Variants in IFI35 observed in about 807,000 individuals in gnomAD.
IFI35 encodes interferon-induced 35 kDa protein.
IFI35 carries 30 observed loss-of-function variants against 28.6 expected under a neutral mutation model. That is an observed-to-expected ratio of 1.05 (90% CI 0.79 to 1.43). The LOEUF (loss-of-function observed/expected upper bound fraction) is 1.43. IFI35 is among the 40% of genes most tolerant of loss of function. The probability of loss-of-function intolerance (pLI) is 0.00; values close to 1 mark genes in which losing one functional copy is unlikely to be tolerated. For missense variants in IFI35, 372 were observed against 356.9 expected (o/e 1.04, Z -0.34); for synonymous variants, 146 against 154.8 (o/e 0.94, Z 0.42).
intron 4 of IFI35, 44 bp downstream of exon 4, chr17:43,013,417 C>T (rs746942241): frequency 1.9e-6 from 3 of 1,610,800 alleles, no homozygotes; most frequent in East Asian, 4.5e-5. Flanking sequence ...GCATGCCATG[C>T]ACCTGGGCAT....
chr17:43,009,623 C>T (rs1174173054), intron 1 of IFI35, among the ~76,000 whole-genome samples: 1 of 151,836 alleles, frequency 6.6e-6, no homozygotes, highest in East Asian at 1.9e-4. Context: ...CATGGTGGTG[C>T]GTGCCTGTAG....
rs2050410857 is a variant in IFI35 at position 43,006,794 on chromosome 17, G to T, written c.-154G>T. ...AAATGAAAGTGGAAGCAAACAGCCT[G>T]CGAGCAGAGCCTCCTGAGGTGTATT... On this transcript the variant is annotated 5_prime_UTR_variant, in exon 1 of 7. Coordinates refer to ENST00000415816, the MANE Select transcript of IFI35 (RefSeq NM_001330230.2). 1 of 714,204 alleles carries T rather than the reference G, an allele frequency of 1.4e-6. No individual in the cohort carries two copies. 44.2% of individuals were successfully genotyped at this position (714,204 alleles called of 1,614,324 possible).
At chr17:43,012,020 G>A in intron 1 of IFI35, 159 bp from the exon 2 acceptor site, 4 of 470,388 alleles carry the variant, frequency 8.5e-6, no homozygotes, top group Admixed American at 3.7e-5. Flanking sequence ...GGTGGAGGGG[G>A]CCAAGACCAG....
intron 6 of IFI35, 86 bp from the exon 7 acceptor site, chr17:43,014,022 A>T: frequency 7.1e-7 from 1 of 1,414,394 alleles, no homozygotes; most frequent in Admixed American, 1.8e-5. Context: ...TCCCGACCTC[A>T]TACCCCCATG....
At chr17:43,007,017 CT>C in intron 1 of IFI35, 49 bp downstream of exon 1, 1 of 1,600,232 alleles carries the variant, frequency 6.2e-7, no homozygotes, top group Non-Finnish European at 8.6e-7. Context: ...GAGTAATCCT[CT>C]TGGCTAGGAA....
chr17:43,014,371 T>A lies in IFI35; in HGVS notation c.*72T>A. On this transcript the variant is annotated 3_prime_UTR_variant, in exon 7 of 7. Transcript: ENST00000415816. ...ACTGGCCTGGGCTTGGGTGCCCATA[T>A]AGGAGGTCTGTATGTTCACCAACAG... is the stretch of plus-strand genomic sequence containing the variant. 9.0e-7 allele frequency: 1 copy of A among 1,106,836 alleles called. No individual in the cohort carries two copies. The highest frequency in any genetic ancestry group is 1.3e-6 in the Non-Finnish European group (1 of 782,284). 68.6% of individuals were successfully genotyped at this position (1,106,836 alleles called of 1,614,324 possible).
rs1037071115 is a variant in IFI35, at chr17:43,006,880, G to T, written c.-68G>T. 2 of 1,573,584 alleles carry T rather than the reference G, an allele frequency of 1.3e-6. No individual in the cohort carries two copies. The highest frequency in any genetic ancestry group is 3.3e-4 in the Middle Eastern group (2 of 5,988). Reference sequence around the variant, plus strand: ...TTTGGGGGGTACAAACAAGAGTTCAGTTGCTGTGAATTCTGCCACTGTGCC... The same window carrying T: ...TTTGGGGGGTACAAACAAGAGTTCATTTGCTGTGAATTCTGCCACTGTGCC... On this transcript the variant is annotated 5_prime_UTR_variant, in exon 1 of 7. Transcript: ENST00000415816.
At chr17:43,008,507 C>G (rs925887223) in intron 1 of IFI35, among the ~76,000 whole-genome samples, 1 of 145,458 alleles carries the variant, frequency 6.9e-6, no homozygotes, top group East Asian at 2.0e-4. Context: ...CATGCCACCA[C>G]GCCTGGCTCA....
rs561841119 is a variant in IFI35, at chr17:43,014,217, G to A, written c.779G>A (p.Arg260His). The A allele has an allele frequency of 6.2e-6, 10 of 1,613,120 alleles. No homozygotes were observed. Among genetic ancestry groups the A allele is most frequent in the Admixed American group, 3.3e-5 (2 of 59,936 alleles). ...GAGATCCACTTCCAGAAGCCCACCC[G>A]CGGGGGCGGGGAGGTAGAGGCCCTG... Reference protein sequence around the residue: ...VLEIHFQKPTRGGGEVEALTV... With the variant: ...VLEIHFQKPTHGGGEVEALTV... Residue 260 changes from arginine to histidine, a missense_variant, in exon 7 of 7, where the codon CGC (arginine) becomes CAC (histidine). Transcript: ENST00000415816.
rs941550865 is a variant in IFI35, at chr17:43,014,130, G to A, written c.692G>A (p.Arg231His). 5.9e-5 allele frequency: 95 copies of A among 1,613,840 alleles called. No individual in the cohort carries two copies. Among genetic ancestry groups the A allele is most frequent in the Non-Finnish European group, 7.3e-5 (86 of 1,179,980 alleles). Residue 231 changes from arginine to histidine, a missense_variant, in exon 7 of 7, where the codon CGC becomes CAC. Transcript: ENST00000415816. ...CAGATCAGGTCGCAGCCAGTTCCCC[G>A]CTCGGTACTGGTGCTCAACATTCCT... is the stretch of plus-strand genomic sequence containing the variant. ...KAEIRSQPVP[R>H]SVLVLNIPDI... is the part of the protein sequence containing the mutation.
Position 43,014,150 on chromosome 17 carries a change from A to G in IFI35, c.712A>G (p.Ile238Val). The G allele has an allele frequency of 1.9e-6, 3 of 1,613,784 alleles. No homozygotes were observed. Among genetic ancestry groups the G allele is most frequent in the Non-Finnish European group, 2.5e-6 (3 of 1,179,948 alleles). The change falls in exon 7 of 7, where the codon ATT becomes GTT. Residue 238 changes from isoleucine to valine, a missense_variant. Ile to Val is a conservative substitution (Grantham distance 29, BLOSUM62 3). Coordinates refer to ENST00000415816, the MANE Select transcript of IFI35 (RefSeq NM_001330230.2). ...TCCCCGCTCGGTACTGGTGCTCAAC[A>G]TTCCTGATATCTTGGATGGCCCGGA... ...PVPRSVLVLN[I>V]PDILDGPELH...
chr17:43,011,266 C>T (rs1232860324), intron 1 of IFI35, among the ~76,000 whole-genome samples: 2 of 152,182 alleles, frequency 1.3e-5, no homozygotes, highest in African/African-American at 2.4e-5. Flanking sequence ...CACCTGTAAT[C>T]CTAGCACTTT....
At position 43,014,224 on chromosome 17, in the gene IFI35, CGGGGA is replaced by C. The variant is rs754695185; in HGVS notation, c.789_793del (p.Glu264ArgfsTer19). 26 of 1,612,342 alleles carry C rather than the reference CGGGGA, an allele frequency of 1.6e-5. No homozygotes were observed. Among genetic ancestry groups the C allele is most frequent in the Non-Finnish European group, 2.1e-5 (25 of 1,179,222 alleles). The stretch of plus-strand genomic sequence containing the variant: ...ACTTCCAGAAGCCCACCCGCGGGGG[CGGGGA>C]GGTAGAGGCCCTGACAGTCGTACCC... On this transcript the variant is annotated frameshift_variant, in exon 7 of 7. Coordinates refer to ENST00000415816, the MANE Select transcript of IFI35 (RefSeq NM_001330230.2). LOFTEE classifies it high-confidence loss of function.
chr17:43,007,004 CAG>C (rs1185317291), intron 1 of IFI35, 36 bp downstream of exon 1: 6 of 1,609,848 alleles, frequency 3.7e-6, no homozygotes, highest in Non-Finnish European at 5.1e-6. Context: ...AGTGGGGAAA[CAG>C]GAGTAATCCT....
intron 1 of IFI35, among the ~76,000 whole-genome samples, chr17:43,007,545 G>C (rs1305837145): frequency 6.6e-6 from 1 of 150,996 alleles, no homozygotes; most frequent in East Asian, 1.9e-4. Context: ...AATTAGGCTG[G>C]GTGTGTTGGC....
Position 43,014,332 on chromosome 17 carries a change from G to T in IFI35, c.*33G>T. On this transcript the variant is annotated 3_prime_UTR_variant, in exon 7 of 7. Transcript: ENST00000415816. Reference sequence around the variant, plus strand: ...CCCTTCTCATCCTCCCCACCCCCCCGCCAAGGTTCTCACACTGGCCTGGGC... The same window carrying T: ...CCCTTCTCATCCTCCCCACCCCCCCTCCAAGGTTCTCACACTGGCCTGGGC... 6.8e-7 allele frequency: 1 copy of T among 1,473,580 alleles called. No homozygotes were observed. The highest frequency in any genetic ancestry group is 2.3e-5 in the Admixed American group (1 of 43,160). 91.3% of individuals were successfully genotyped at this position (1,473,580 alleles called of 1,614,324 possible). A position where few individuals can be genotyped will look rare whatever the true frequency, so the allele number is the denominator to read the frequency against.
intron 1 of IFI35, among the ~76,000 whole-genome samples, chr17:43,007,642 A>G (rs1476120469): frequency 1.3e-5 from 2 of 151,422 alleles, no homozygotes; most frequent in Middle Eastern, 3.4e-3. Flanking sequence ...CCTGGCCAAC[A>G]TAGCAAAACC....
rs769873611 is a variant in IFI35 at position 43,013,853 on chromosome 17, T to C, written c.640T>C (p.Tyr214His). 1 of 1,608,062 alleles carries C rather than the reference T, an allele frequency of 6.2e-7. No individual in the cohort carries two copies. Among genetic ancestry groups the C allele is most frequent in the Admixed American group, 1.7e-5 (1 of 58,700 alleles). ...GCAAGTCCCTCTGAGAGTCTCTCCG[T>C]ATGTGAACGGGGAGATCCAGAAGGC... ...GQQVPLRVSP[Y>H]VNGEIQKAEI... Residue 214 changes from tyrosine to histidine, a missense_variant, in exon 6 of 7, where the codon TAT becomes CAT. Transcript: ENST00000415816.
intron 1 of IFI35, among the ~76,000 whole-genome samples, chr17:43,007,217 T>G (rs2050415089): frequency 6.6e-6 from 1 of 152,162 alleles, no homozygotes; most frequent in South Asian, 2.1e-4. Flanking sequence ...ATCTGTAGTT[T>G]CCATCAGATA....
Sources: allele counts gnomAD v4.1 joint callset (sites outside exome capture counted in the v4.1 genomes callset), GRCh38; gene constraint gnomAD v4.1.1; transcripts MANE v1.5; gene names NCBI Gene and HGNC (gene_info 2026-07-23, HGNC 2026-07-21).